The following SERGEF variants were observed in gnomAD, a reference collection of about 807,000 sequenced individuals.
SERGEF encodes secretion-regulating guanine nucleotide exchange factor.
A neutral mutation model predicts 50.0 loss-of-function variants in SERGEF; 51 were observed. The observed-to-expected ratio is 1.02, with a 90% CI of 0.81 to 1.29. SERGEF has a LOEUF of 1.29. Among genes scored for constraint, SERGEF ranks in the 50% most tolerant of loss-of-function variants. SERGEF has a pLI of 0.00. For synonymous variants in SERGEF, 205 were observed against 212.4 expected (o/e 0.97, Z 0.30); for missense variants, 521 against 557.0 (o/e 0.94, Z 0.65).
intron 9 of SERGEF, among the ~76,000 whole-genome samples, chr11:17,937,334 T>C (rs930319479): frequency 6.6e-6 from 1 of 152,046 alleles, no homozygotes; most frequent in Admixed American, 6.5e-5. Context: ...GAGTTCAAGA[T>C]TAGCTTGGCC....
intron 9 of SERGEF, among the ~76,000 whole-genome samples, chr11:17,932,969 T>A (rs1418967021): frequency 6.6e-6 from 1 of 152,208 alleles, no homozygotes; most frequent in African/African-American, 2.4e-5. Flanking sequence ...AATGTTTAAC[T>A]CCAACTAAGT....
chr11:17,827,782 A>T (rs1590139177), intron 10 of SERGEF, among the ~76,000 whole-genome samples: 1 of 152,200 alleles, frequency 6.6e-6, no homozygotes, highest in Admixed American at 6.5e-5. Flanking sequence ...GTTTTCTGCA[A>T]TGCTGGCTAT....
intron 10 of SERGEF, among the ~76,000 whole-genome samples, chr11:17,837,699 C>T (rs989084523): frequency 6.7e-6 from 1 of 149,190 alleles, no homozygotes; most frequent in African/African-American, 2.5e-5. Flanking sequence ...TGCTCTGTCG[C>T]CCAAGCTGGA....
chr11:17,789,070 G>A (rs1849436617), intron 10 of SERGEF, among the ~76,000 whole-genome samples: 1 of 152,174 alleles, frequency 6.6e-6, no homozygotes, highest in Non-Finnish European at 1.5e-5. Context: ...GCAGAACCCT[G>A]GCTTGTTTTC....
chr11:17,902,545 T>TA (rs1851766965), intron 9 of SERGEF, among the ~76,000 whole-genome samples: 1 of 152,088 alleles, frequency 6.6e-6, no homozygotes, highest in Admixed American at 6.5e-5. Context: ...CCTCGGTAAC[T>TA]AGAAGAACAG....
At chr11:17,893,142 A>C (rs896414764) in intron 9 of SERGEF, among the ~76,000 whole-genome samples, 4 of 152,210 alleles carry the variant, frequency 2.6e-5, no homozygotes, top group African/African-American at 9.6e-5. Context: ...CCTGGATGCC[A>C]GGGAATGATT....
intron 10 of SERGEF, chr11:17,855,828 T>G (rs1850807444): frequency 6.6e-6 from 1 of 152,228 alleles, no homozygotes; most frequent in African/African-American, 2.4e-5. Flanking sequence ...CCTGGGCAGG[T>G]CCTCTGGCTG....
intron 1 of SERGEF, among the ~76,000 whole-genome samples, chr11:18,011,186 C>G (rs761028562): frequency 6.6e-6 from 1 of 151,422 alleles, no homozygotes; most frequent in Non-Finnish European, 1.5e-5. Flanking sequence ...AGGTAAATCC[C>G]CTTCCTGTGA....
chr11:17,966,827 C>T (rs1406696166), intron 8 of SERGEF, among the ~76,000 whole-genome samples: 1 of 152,038 alleles, frequency 6.6e-6, no homozygotes, highest in African/African-American at 2.4e-5. Context: ...AGAGAATGAA[C>T]AAAAGTTGAA....
At chr11:17,990,040 TAAG>T (rs1435024070) in intron 7 of SERGEF, among the ~76,000 whole-genome samples, 1 of 152,242 alleles carries the variant, frequency 6.6e-6, no homozygotes, top group Non-Finnish European at 1.5e-5. Flanking sequence ...ACATGGCTAA[TAAG>T]GAGTCAAATA....
intron 9 of SERGEF, among the ~76,000 whole-genome samples, chr11:17,900,957 G>A (rs1172513719): frequency 1.3e-5 from 2 of 152,180 alleles, no homozygotes; most frequent in Non-Finnish European, 2.9e-5. Flanking sequence ...GAACATAGAT[G>A]TGAAATAGGC....
chr11:17,790,064 A>G (rs1849455423), intron 10 of SERGEF, among the ~76,000 whole-genome samples: 1 of 152,124 alleles, frequency 6.6e-6, no homozygotes, highest in Non-Finnish European at 1.5e-5. Flanking sequence ...AATTTAATAG[A>G]AAGACGCAGA....
chr11:17,911,108 T>C (rs1015976625), intron 9 of SERGEF, among the ~76,000 whole-genome samples: 14 of 152,048 alleles, frequency 9.2e-5, no homozygotes, highest in Non-Finnish European at 1.5e-4. Flanking sequence ...ACAAATACTT[T>C]TGAAGAACTT....
chr11:17,937,789 A>C (rs951707851), intron 9 of SERGEF, among the ~76,000 whole-genome samples: 15 of 152,114 alleles, frequency 9.9e-5, no homozygotes, highest in African/African-American at 3.6e-4. Flanking sequence ...CTTTGGGGAG[A>C]GAGTTCAAGC....
chr11:17,794,792 G>T (rs1013324939), intron 10 of SERGEF, among the ~76,000 whole-genome samples: 88 of 152,162 alleles, frequency 5.8e-4, no homozygotes, highest in African/African-American at 1.9e-3. Flanking sequence ...ATATTATACT[G>T]TTCTCTCTAG....
intron 10 of SERGEF, among the ~76,000 whole-genome samples, chr11:17,828,386 TG>T (rs1850239412): frequency 6.6e-6 from 1 of 152,180 alleles, no homozygotes; most frequent in Non-Finnish European, 1.5e-5. Context: ...AGAAGAGCCT[TG>T]GAATAGTGAG....
At chr11:17,912,509 C>A (rs991836826) in intron 9 of SERGEF, among the ~76,000 whole-genome samples, 19 of 152,124 alleles carry the variant, frequency 1.2e-4, no homozygotes, top group African/African-American at 4.6e-4. Context: ...ATCAATTTCC[C>A]TCTGAATCTA....
intron 10 of SERGEF, among the ~76,000 whole-genome samples, chr11:17,810,627 C>T (rs1307871895): frequency 6.6e-6 from 1 of 152,192 alleles, no homozygotes; most frequent in Non-Finnish European, 1.5e-5. Context: ...TTCTTTATTT[C>T]ACCTGTCCAT....
intron 10 of SERGEF, among the ~76,000 whole-genome samples, chr11:17,790,527 G>A (rs1306742491): frequency 1.3e-5 from 2 of 151,946 alleles, no homozygotes; most frequent in Non-Finnish European, 1.5e-5. Context: ...CATTGTTGCT[G>A]TTTTATTATA....
Sources: gnomAD v4.1 joint callset for allele counts (sites outside exome capture counted in the v4.1 genomes callset) on GRCh38, gnomAD v4.1.1 for gene constraint, MANE v1.5 for transcripts, NCBI Gene and HGNC (gene_info 2026-07-23, HGNC 2026-07-21) for gene names.